Variants in GCSAML observed in about 807,000 individuals in gnomAD.
The protein encoded by GCSAML is germinal center-associated signaling and motility-like protein.
In GCSAML, 9 loss-of-function variants were observed where a neutral mutation model predicts 13.0. The ratio of observed to expected loss-of-function variants is 0.69; its 90% CI spans 0.42 to 1.21. GCSAML has a LOEUF of 1.21. GCSAML is among the 50% of genes most tolerant of loss of function. GCSAML has a pLI of 0.00. For synonymous variants in GCSAML, 37 were observed against 52.9 expected (o/e 0.70, Z 1.31); for missense variants, 143 against 153.4 (o/e 0.93, Z 0.36).
intron 4 of GCSAML, among the ~76,000 whole-genome samples, chr1:247,566,674 G>A (rs1180325542): frequency 6.6e-6 from 1 of 151,932 alleles, no homozygotes; most frequent in Non-Finnish European, 1.5e-5. Flanking sequence ...TTATATCCAG[G>A]AATTAGCATT....
At chr1:247,565,984 C>T in intron 4 of GCSAML, 25 bp downstream of exon 4, 1 of 1,504,926 alleles carries the variant, frequency 6.6e-7, no homozygotes, top group Non-Finnish European at 8.9e-7. Context: ...AAAAGCAAGA[C>T]AAAAGAAAAA....
At chr1:247,570,080 A>G (rs1318806872) in intron 4 of GCSAML, among the ~76,000 whole-genome samples, 3 of 151,968 alleles carry the variant, frequency 2.0e-5, no homozygotes, top group Admixed American at 1.3e-4. Flanking sequence ...TAGTGTGTCT[A>G]TTTGATTCTT....
At chr1:247,511,990 T>C (rs1666055552) in intron 1 of GCSAML, among the ~76,000 whole-genome samples, 1 of 152,134 alleles carries the variant, frequency 6.6e-6, no homozygotes, top group Admixed American at 6.5e-5. Flanking sequence ...TGTCTTGGGG[T>C]TGCTCTTCTC....
At chr1:247,523,003 ACACT>A (rs757292961) in intron 1 of GCSAML, among the ~76,000 whole-genome samples, 15 of 152,296 alleles carry the variant, frequency 9.8e-5, no homozygotes, top group African/African-American at 1.9e-4. Context: ...CACATTGCTA[ACACT>A]CAGTCTAGTT....
intron 2 of GCSAML, chr1:247,532,683 A>G (rs996376237): frequency 7.7e-6 from 5 of 649,554 alleles, no homozygotes; most frequent in African/African-American, 3.7e-5. Context: ...GCTAACTTCA[A>G]ACTCTTGGGA....
In GCSAML at chr1:247,532,612, T is replaced by G. The variant is rs74657119; in HGVS notation, c.-148+5558T>G. 3.7e-3 allele frequency: 4,158 copies of G among 1,116,332 alleles called. 97 individuals are homozygous for G. The African/African-American group carries it at 0.053, about 14-fold the overall frequency. 69.2% of individuals were successfully genotyped at this position (1,116,332 alleles called of 1,614,324 possible). ...TACATCAGTTAGCAAACATTAAAAG[T>G]GTATTTTAGTTCATTTTATGTTATT... On this transcript the variant is annotated intron_variant, in intron 2 of 5. Coordinates refer to the GCSAML transcript ENST00000366489.
chr1:247,562,117 G>C (rs1367517764), intron 2 of GCSAML, among the ~76,000 whole-genome samples: 1 of 152,174 alleles, frequency 6.6e-6, no homozygotes, highest in Non-Finnish European at 1.5e-5. Flanking sequence ...AAAAAGCTGA[G>C]ATACCTTGAA....
intron 4 of GCSAML, among the ~76,000 whole-genome samples, chr1:247,571,526 C>T (rs1438963656): frequency 6.6e-6 from 1 of 152,156 alleles, no homozygotes; most frequent in Non-Finnish European, 1.5e-5. Flanking sequence ...TGAATATTGG[C>T]CCCCACTCTC....
chr1:247,574,716 T>C lies in GCSAML; in HGVS notation c.*334T>C, dbSNP rs1307963406. 3.9e-6 allele frequency: 1 copy of C among 257,432 alleles called. No homozygotes were observed. Among genetic ancestry groups the C allele is most frequent in the Non-Finnish European group, 7.5e-6 (1 of 133,764 alleles). The allele number at this position is 257,432 out of a possible 1,614,324, so 15.9% of individuals were successfully genotyped here. A position where few individuals can be genotyped will look rare whatever the true frequency, so the allele number is the denominator to read the frequency against. On this transcript the variant is annotated 3_prime_UTR_variant, in exon 5 of 5. Transcript: ENST00000366488. ...CCCTGACTAACTGAATGGACCCTCT[T>C]CTAGGCCAAAGAGACCTCAGATGAA...
chr1:247,573,362 G>A (rs983825524), intron 4 of GCSAML, among the ~76,000 whole-genome samples: 4 of 152,188 alleles, frequency 2.6e-5, no homozygotes, highest in African/African-American at 4.8e-5. Context: ...TGCAAAGACC[G>A]TGGGAAAAGT....
At position 247,575,135 on chromosome 1, in the gene GCSAML, C is replaced by T. The variant is rs756135710; in HGVS notation, c.*753C>T. 5 of 152,180 alleles carry T rather than the reference C, an allele frequency of 3.3e-5. No homozygotes were observed. Among genetic ancestry groups the T allele is most frequent in the Admixed American group, 1.3e-4 (2 of 15,258 alleles). 9.4% of individuals were successfully genotyped at this position (152,180 alleles called of 1,614,324 possible). A position where few individuals can be genotyped will look rare whatever the true frequency, so the allele number is the denominator to read the frequency against. On this transcript the variant is annotated 3_prime_UTR_variant, in exon 5 of 5. Transcript: ENST00000366488. Reference sequence around the variant, plus strand: ...AAGATCTTGCCTCTTTAAGCTGAACCGATGTGCACTTTCCATTTAATGATT... The same window carrying T: ...AAGATCTTGCCTCTTTAAGCTGAACTGATGTGCACTTTCCATTTAATGATT...
chr1:247,545,901 A>G (rs554914787), upstream of GCSAML, among the ~76,000 whole-genome samples: 1 of 152,278 alleles, frequency 6.6e-6, no homozygotes, highest in Non-Finnish European at 1.5e-5. Context: ...GGTATTGTGT[A>G]CTTAACAATT....
intron 1 of GCSAML, among the ~76,000 whole-genome samples, chr1:247,516,608 G>A (rs994877240): frequency 6.8e-6 from 1 of 147,994 alleles, no homozygotes; most frequent in South Asian, 2.1e-4. Context: ...TATATGGCTG[G>A]TGATCAGACA....
intron 2 of GCSAML, among the ~76,000 whole-genome samples, chr1:247,532,813 C>T (rs1006909088): frequency 4.6e-5 from 7 of 151,768 alleles, no homozygotes; most frequent in East Asian, 1.9e-4. Context: ...TCAACAGCTA[C>T]GTGGATGGCA....
intron 2 of GCSAML, among the ~76,000 whole-genome samples, chr1:247,557,691 C>T (rs890973815): frequency 3.9e-5 from 6 of 152,102 alleles, no homozygotes; most frequent in Non-Finnish European, 8.8e-5. Context: ...ATGAGTCAGC[C>T]CTCAGGGACA....
chr1:247,533,255 G>C (rs573906562), intron 2 of GCSAML, among the ~76,000 whole-genome samples: 25 of 151,886 alleles, frequency 1.6e-4, no homozygotes, highest in Admixed American at 4.6e-4. Context: ...AAAAGTGTTG[G>C]GGCTCAGAAA....
intron 2 of GCSAML, among the ~76,000 whole-genome samples, chr1:247,540,648 G>A (rs1390185385): frequency 6.6e-6 from 1 of 152,242 alleles, no homozygotes; most frequent in Non-Finnish European, 1.5e-5. Flanking sequence ...GTGAGCAGAT[G>A]TATGAACTGA....
intron 1 of GCSAML, among the ~76,000 whole-genome samples, chr1:247,553,557 C>T (rs1667851357): frequency 6.6e-6 from 1 of 152,102 alleles, no homozygotes; most frequent in African/African-American, 2.4e-5. Context: ...ATGTTTTTGG[C>T]ATATTGCCTC....
chr1:247,547,846 T>A (rs1482529560), upstream of GCSAML, among the ~76,000 whole-genome samples: 1 of 152,220 alleles, frequency 6.6e-6, no homozygotes. Context: ...TCGGGTGATT[T>A]GCTTACATGA....
Sources: gnomAD v4.1 joint callset for allele counts (sites outside exome capture counted in the v4.1 genomes callset) on GRCh38, gnomAD v4.1.1 for gene constraint, MANE v1.5 for transcripts, NCBI Gene and HGNC (gene_info 2026-07-23, HGNC 2026-07-21) for gene names.